Variants in TOMM70 observed in about 807,000 individuals in gnomAD.
The protein encoded by TOMM70 is translocase of outer mitochondrial membrane 70, also known as mitochondrial import receptor subunit TOM70.
TOMM70 carries 13 observed loss-of-function variants against 73.6 expected under a neutral mutation model. That is an observed-to-expected ratio of 0.18 (90% CI 0.11 to 0.28). The LOEUF is 0.28. Ranked by LOEUF, TOMM70 falls within the 10% of genes least tolerant of loss-of-function variation. The pLI is 1.00. For synonymous variants in TOMM70, 257 were observed against 271.2 expected (o/e 0.95, Z 0.51); for missense variants, 609 against 747.5 (o/e 0.81, Z 2.16).
intron 9 of TOMM70, among the ~76,000 whole-genome samples, 180 bp from the exon 10 acceptor site, chr3:100,369,315 A>G (rs1706483269): frequency 6.6e-6 from 1 of 152,206 alleles, no homozygotes; most frequent in African/African-American, 2.4e-5. Context: ...TGGCACTGCT[A>G]TAAATATGAA....
At chr3:100,387,319 C>T (rs561473827) in intron 1 of TOMM70, among the ~76,000 whole-genome samples, 58 of 152,154 alleles carry the variant, frequency 3.8e-4, no homozygotes, top group African/African-American at 1.2e-3. Context: ...TGGTGGCACA[C>T]GCCTGCAGTC....
At position 100,364,314 on chromosome 3, in the gene TOMM70, A is replaced by G. The variant is rs1264714680; in HGVS notation, c.*1250T>C. ...AAAAAGCACTCTACATGTCCTCAGC[A>G]TCTTCAAAAATAAGTGGCTCAAAAT... On this transcript the variant is annotated 3_prime_UTR_variant, in exon 12 of 12. Transcript: ENST00000284320. 1 of 152,220 alleles carries G rather than the reference A, an allele frequency of 6.6e-6. No individual in the cohort carries two copies. The highest frequency in any genetic ancestry group is 2.1e-4 in the South Asian group (1 of 4,830). The allele number at this position is 152,220 out of a possible 1,614,324, so 9.4% of individuals were successfully genotyped here.
intron 9 of TOMM70, 149 bp downstream of exon 9, chr3:100,372,457 G>T: frequency 1.7e-6 from 1 of 596,810 alleles, no homozygotes; most frequent in East Asian, 2.7e-5. Flanking sequence ...AGGTGATTCG[G>T]GACCAACCAG....
intron 9 of TOMM70, among the ~76,000 whole-genome samples, chr3:100,370,760 AACTG>A (rs1298425206): frequency 1.3e-5 from 2 of 152,252 alleles, no homozygotes; most frequent in Admixed American, 1.3e-4. Context: ...TTTGAGTGCA[AACTG>A]ACTGTAATAA....
rs1706577524 is a variant in TOMM70 at position 100,377,413 on chromosome 3, AC to A, written c.1092+291del. On this transcript the variant is annotated intron_variant, in intron 6 of 11. Transcript: ENST00000284320. ...ATCTACAGAATTGCATATCACCTTT[AC>A]CACTGCCCAAATACAGTCCAATATG... The A allele has an allele frequency of 1.0e-5, 3 of 300,336 alleles. No individual in the cohort carries two copies. The South Asian group carries it at 1.4e-4, about 14-fold the overall frequency. 18.6% of individuals were successfully genotyped at this position (300,336 alleles called of 1,614,324 possible).
chr3:100,370,272 G>A (rs1245606783), intron 9 of TOMM70, among the ~76,000 whole-genome samples: 1 of 152,032 alleles, frequency 6.6e-6, no homozygotes, highest in African/African-American at 2.4e-5. Context: ...ACATGGTTGA[G>A]TTCATTTTGT....
chr3:100,368,894 G>A, intron 10 of TOMM70, 144 bp downstream of exon 10: 1 of 605,932 alleles, frequency 1.7e-6, no homozygotes, highest in South Asian at 2.2e-5. Context: ...ATTTCTGTAA[G>A]AATGAAAAGA....
intron 1 of TOMM70, among the ~76,000 whole-genome samples, chr3:100,397,549 A>C (rs1706838442): frequency 6.6e-6 from 1 of 152,232 alleles, no homozygotes; most frequent in African/African-American, 2.4e-5. Context: ...AAGTTACACA[A>C]AGAGTCCAAT....
intron 4 of TOMM70, among the ~76,000 whole-genome samples, chr3:100,383,018 TGGAAACTGATCTGTAACCTATGTAA>T: frequency 6.6e-6 from 1 of 152,276 alleles, no homozygotes; most frequent in Non-Finnish European, 1.5e-5. Context: ...TTAGAAAATG[TGGAAACTGATCTGTAACCTATGTAA>T]ATATACATTA....
rs1706699332 is a variant in TOMM70, at chr3:100,386,994, A to T, written c.325-16T>A. 2.5e-5 allele frequency: 41 copies of T among 1,610,090 alleles called. No individual in the cohort carries two copies. The highest frequency in any genetic ancestry group is 3.5e-5 in the Non-Finnish European group (41 of 1,178,630). ...CAAGAGAGTTCTGAAATGAGAGGAA[A>T]CAATTATCAAACACTAATCAACATT... On this transcript the variant is annotated splice_polypyrimidine_tract_variant and intron_variant, in intron 1 of 11. Coordinates refer to ENST00000284320, the MANE Select transcript of TOMM70 (RefSeq NM_014820.5).
At chr3:100,393,790 A>G (rs1706790488) in intron 1 of TOMM70, among the ~76,000 whole-genome samples, 1 of 152,186 alleles carries the variant, frequency 6.6e-6, no homozygotes, top group African/African-American at 2.4e-5. Flanking sequence ...AAGTAAGAAA[A>G]TCAGGTTTTG....
intron 4 of TOMM70, 71 bp from the exon 5 acceptor site, chr3:100,381,834 C>A: frequency 7.2e-7 from 1 of 1,393,318 alleles, no homozygotes; most frequent in Non-Finnish European, 9.6e-7. Flanking sequence ...CATTGTAGAA[C>A]GCTAAGAATA....
chr3:100,370,383 G>T (rs994724691), intron 9 of TOMM70, among the ~76,000 whole-genome samples: 1 of 152,156 alleles, frequency 6.6e-6, no homozygotes, highest in African/African-American at 2.4e-5. Context: ...TTAAGTGAGT[G>T]TACCACAATT....
chr3:100,386,079 A>C (rs1706688680), intron 3 of TOMM70, 139 bp downstream of exon 3: 2 of 886,918 alleles, frequency 2.3e-6, no homozygotes, highest in Admixed American at 5.5e-5. Flanking sequence ...TTTAAACTAG[A>C]AGACACAATC....
chr3:100,393,371 C>A (rs1414763820), intron 1 of TOMM70, among the ~76,000 whole-genome samples: 1 of 152,050 alleles, frequency 6.6e-6, no homozygotes, highest in South Asian at 2.1e-4. Flanking sequence ...CATATGTTCT[C>A]ACTTATAAGT....
intron 7 of TOMM70, 96 bp from the exon 8 acceptor site, chr3:100,373,741 G>A: frequency 1.5e-6 from 1 of 677,670 alleles, no homozygotes; most frequent in Non-Finnish European, 2.4e-6. Flanking sequence ...ATAATGCTGA[G>A]CATGTAGTAG....
At position 100,364,724 on chromosome 3, in the gene TOMM70, T is replaced by C. The variant is rs1048178429; in HGVS notation, c.*840A>G. On this transcript the variant is annotated 3_prime_UTR_variant, in exon 12 of 12. Transcript: ENST00000284320. ...ATAAATAGTATATACAGTGCCACTG[T>C]ACCCTCTATCCTACATTTTTAAAAG... is the stretch of plus-strand genomic sequence containing the variant. 6.6e-6 allele frequency: 1 copy of C among 152,138 alleles called. No homozygotes were observed. Among genetic ancestry groups the C allele is most frequent in the African/African-American group, 2.4e-5 (1 of 41,420 alleles). 9.4% of individuals were successfully genotyped at this position (152,138 alleles called of 1,614,324 possible).
Position 100,377,792 on chromosome 3 carries a change from T to C in TOMM70, c.1005A>G (p.Arg335=), listed in dbSNP as rs747394257. ...GKYMAEALLL[R]ATFYLLIGNA... ...TGCCAATAAGCAGGTAGAAGGTAGC[T>C]CGTAGTAGCAATGCTTCTGCCATGT... The change falls in exon 6 of 12, where the codon CGA becomes CGG. Residue 335 remains arginine (R), a synonymous_variant. Coordinates refer to ENST00000284320, the MANE Select transcript of TOMM70 (RefSeq NM_014820.5). 1 of 1,614,242 alleles carries C rather than the reference T, an allele frequency of 6.2e-7. No homozygotes were observed. The highest frequency in any genetic ancestry group is 1.1e-5 in the South Asian group (1 of 91,088).
rs549951659 is a variant in TOMM70 at position 100,372,979 on chromosome 3, T to G, written c.1336-257A>C. ...AGAGGGCATACTAATTTGTAAGAAG[T>G]GAACTTTGCAATAAATGAATTTTAA... On this transcript the variant is annotated intron_variant, in intron 8 of 11. Coordinates refer to ENST00000284320, the MANE Select transcript of TOMM70 (RefSeq NM_014820.5). Among the ~76,000 whole-genome samples, 6 of 152,274 alleles carry G rather than the reference T, an allele frequency of 3.9e-5. No homozygotes were observed. The South Asian group carries it at 1.0e-3, about 26-fold the overall frequency.
Sources: allele counts gnomAD v4.1 joint callset (sites outside exome capture counted in the v4.1 genomes callset), GRCh38; gene constraint gnomAD v4.1.1; transcripts MANE v1.5; gene names NCBI Gene and HGNC (gene_info 2026-07-23, HGNC 2026-07-21).